ALK: variants seen among roughly 807,000 people sequenced by gnomAD.
ALK encodes the protein ALK tyrosine kinase receptor.
In ALK, 74 loss-of-function variants were observed where a neutral mutation model predicts 163.1. The observed-to-expected ratio is 0.45, with a 90% confidence interval of 0.38 to 0.55. The LOEUF is 0.55. ALK is among the 20% of genes least tolerant of loss of function. ALK has a pLI of 0.00. For missense variants in ALK, 2,063 were observed against 2,105.3 expected (o/e 0.98, Z 0.39); for synonymous variants, 960 against 843.2 (o/e 1.14, Z -2.40).
At chr2:29,598,216 A>T (rs1345820354) in intron 3 of ALK, among the ~76,000 whole-genome samples, 1 of 152,058 alleles carries the variant, frequency 6.6e-6, no homozygotes, top group African/African-American at 2.4e-5. Context: ...AGTAGAGACG[A>T]GGTTTCACCA....
intron 1 of ALK, among the ~76,000 whole-genome samples, chr2:29,727,159 G>A (rs769073082): frequency 1.3e-5 from 2 of 152,302 alleles, no homozygotes; most frequent in East Asian, 1.9e-4. Flanking sequence ...GCTCAGCCAC[G>A]ACTGTTTCCA....
At chr2:29,301,575 A>G (rs74415001) in intron 8 of ALK, among the ~76,000 whole-genome samples, 7,969 of 152,232 alleles carry the variant, frequency 0.052, 283 homozygotes, top group Non-Finnish European at 0.075. Flanking sequence ...CTTACATTCT[A>G]TGGGTCAGGG....
intron 11 of ALK, among the ~76,000 whole-genome samples, chr2:29,272,856 G>C (rs1665429332): frequency 6.6e-6 from 1 of 152,134 alleles, no homozygotes; most frequent in Non-Finnish European, 1.5e-5. Flanking sequence ...GCTTAGTTGG[G>C]TGAAAGAATG....
chr2:29,886,852 T>C (rs971929146), intron 1 of ALK, among the ~76,000 whole-genome samples: 3 of 152,242 alleles, frequency 2.0e-5, no homozygotes, highest in African/African-American at 7.2e-5. Context: ...TGGATATTTA[T>C]TAAATGCCAA....
intron 4 of ALK, among the ~76,000 whole-genome samples, chr2:29,462,260 G>A (rs1419797520): frequency 6.6e-6 from 1 of 152,196 alleles, no homozygotes; most frequent in East Asian, 1.9e-4. Context: ...AAACTTAGCT[G>A]ATAAAGCAGT....
intron 4 of ALK, among the ~76,000 whole-genome samples, chr2:29,433,455 C>T (rs1670327624): frequency 6.6e-6 from 1 of 152,062 alleles, no homozygotes; most frequent in Non-Finnish European, 1.5e-5. Flanking sequence ...CCAAATTGTT[C>T]CCCCCAAGTG....
Position 29,866,576 on chromosome 2 carries a change from G to C in ALK, c.667+53417C>G, listed in dbSNP as rs544325572. On this transcript the variant is annotated intron_variant, in intron 1 of 28. Coordinates refer to ENST00000389048, the MANE Select transcript of ALK (RefSeq NM_004304.5). ...ATGGTAATAAGGAGCCTAAACTCCA[G>C]TTCCATTTACAGGCTATACTTAGGA... is the stretch of plus-strand genomic sequence containing the variant. Among the ~76,000 whole-genome samples the C allele has an allele frequency of 9.2e-5, 14 of 152,320 alleles. No individual in the cohort carries two copies. In the East Asian group the frequency reaches 2.7e-3, roughly 29 times the overall value.
At chr2:29,280,456 C>A (rs981090736) in intron 9 of ALK, among the ~76,000 whole-genome samples, 1 of 143,948 alleles carries the variant, frequency 6.9e-6, no homozygotes, top group Non-Finnish European at 1.5e-5. Flanking sequence ...ACTCTGGGAC[C>A]GGGGGTTAGT....
chr2:29,557,170 T>G (rs1413122985), intron 3 of ALK, among the ~76,000 whole-genome samples: 1 of 152,124 alleles, frequency 6.6e-6, no homozygotes, highest in African/African-American at 2.4e-5. Context: ...AATGCAACAA[T>G]TTTTAATGGA....
chr2:29,723,597 T>G (rs1473895706), intron 1 of ALK, among the ~76,000 whole-genome samples: 2 of 152,234 alleles, frequency 1.3e-5, no homozygotes, highest in African/African-American at 4.8e-5. Flanking sequence ...GTGTTATCTC[T>G]GGCACTTATT....
chr2:29,246,972 T>G lies in ALK; in HGVS notation c.2204+4133A>C, dbSNP rs1251162832. Among the ~76,000 whole-genome samples, 1 of 152,188 alleles carries G rather than the reference T, an allele frequency of 6.6e-6. No individual in the cohort carries two copies. The highest frequency in any genetic ancestry group is 1.5e-5 in the Non-Finnish European group (1 of 68,036). The stretch of plus-strand genomic sequence containing the variant: ...CCCGAGGCCAGCCTTGCCCGACTTC[T>G]CATCGGCAGTACCGACTTCTTGTGC... On this transcript the variant is annotated intron_variant, in intron 12 of 28. Transcript: ENST00000389048. This position sits in a 1 kb window ranked among gnomAD's most constrained non-coding sequence, Gnocchi z 4.3.
chr2:29,305,099 T>C (rs1666467605), intron 8 of ALK, among the ~76,000 whole-genome samples: 1 of 152,218 alleles, frequency 6.6e-6, no homozygotes, highest in African/African-American at 2.4e-5. Context: ...AGGAAGTGCC[T>C]GACCCTCTCA....
chr2:29,497,565 A>C (rs760044525), intron 4 of ALK, among the ~76,000 whole-genome samples: 5 of 152,162 alleles, frequency 3.3e-5, no homozygotes, highest in African/African-American at 7.2e-5. Flanking sequence ...ACACAGACCC[A>C]TGCTCTGTTG....
chr2:29,489,363 T>C (rs1181834744), intron 4 of ALK, among the ~76,000 whole-genome samples: 1 of 152,126 alleles, frequency 6.6e-6, no homozygotes, highest in Non-Finnish European at 1.5e-5. Context: ...TGGAGTGCAG[T>C]GGTGTGATCA....
At chr2:29,833,284 AC>A (rs1665469474) in intron 1 of ALK, among the ~76,000 whole-genome samples, 1 of 152,176 alleles carries the variant, frequency 6.6e-6, no homozygotes, top group Non-Finnish European at 1.5e-5. Context: ...CCCTCACGGC[AC>A]CTGTGCAAGG....
intron 5 of ALK, among the ~76,000 whole-genome samples, chr2:29,376,795 T>A (rs1315185068): frequency 3.3e-5 from 5 of 152,242 alleles, no homozygotes; most frequent in African/African-American, 1.2e-4. Context: ...CTACTCTAGA[T>A]GTTGATTGGT....
At chr2:29,332,329 A>G (rs941228743) in intron 5 of ALK, among the ~76,000 whole-genome samples, 29 of 126,172 alleles carry the variant, frequency 2.3e-4, no homozygotes, top group East Asian at 8.1e-4. Flanking sequence ...AAAAAAGTCT[A>G]TGAGGTCTCC....
chr2:29,366,542 G>C (rs1668513657), intron 5 of ALK, among the ~76,000 whole-genome samples: 1 of 152,176 alleles, frequency 6.6e-6, no homozygotes, highest in Non-Finnish European at 1.5e-5. Flanking sequence ...AGGTCCTGTG[G>C]ATGGAGACAG....
intron 9 of ALK, among the ~76,000 whole-genome samples, chr2:29,292,270 T>C (rs949796049): frequency 1.3e-5 from 2 of 152,242 alleles, no homozygotes; most frequent in African/African-American, 4.8e-5. Context: ...ATTTGATCCA[T>C]GGTGTTTCCA....
Sources: gnomAD v4.1 joint callset for allele counts (sites outside exome capture counted in the v4.1 genomes callset) on GRCh38, gnomAD v4.1.1 for gene constraint, Gnocchi (gnomAD v3.1) non-coding constraint, MANE v1.5 for transcripts, NCBI Gene and HGNC (gene_info 2026-07-23, HGNC 2026-07-21) for gene names.